Variants in CSTPP1 observed in about 807,000 individuals in gnomAD.
CSTPP1 encodes the protein centriolar satellite-associated tubulin polyglutamylase complex regulator 1.
the CSTPP1 span, among the ~76,000 whole-genome samples, chr11:47,119,141 A>T: frequency 1.3e-5 from 2 of 152,206 alleles, no homozygotes; most frequent in Admixed American, 1.3e-4. Context: ...CGCTCTGTTT[A>T]CCTACTCAAG....
At chr11:47,103,399 CA>C in the CSTPP1 span, among the ~76,000 whole-genome samples, 236 of 130,930 alleles carry the variant, frequency 1.8e-3, no homozygotes, top group East Asian at 1.8e-3. Flanking sequence ...GACCCTGTCT[CA>C]AAAAAAAAAA....
the CSTPP1 span, among the ~76,000 whole-genome samples, chr11:47,079,718 G>T: frequency 2.0e-5 from 3 of 152,118 alleles, no homozygotes; most frequent in Non-Finnish European, 2.9e-5. Context: ...TAACATAAAA[G>T]ACTTTTCTCA....
At chr11:46,941,080 A>T in the CSTPP1 span, among the ~76,000 whole-genome samples, 1 of 152,238 alleles carries the variant, frequency 6.6e-6, no homozygotes, top group Non-Finnish European at 1.5e-5. Context: ...GTGAAGCCCA[A>T]CCAATCACCT....
chr11:46,990,672 C>T, the CSTPP1 span, among the ~76,000 whole-genome samples: 1 of 152,014 alleles, frequency 6.6e-6, no homozygotes, highest in Admixed American at 6.6e-5. Flanking sequence ...GTTGCAATTG[C>T]TTTTGGGGAC....
the CSTPP1 span, among the ~76,000 whole-genome samples, chr11:47,148,896 A>G: frequency 5.3e-5 from 8 of 152,320 alleles, no homozygotes; most frequent in South Asian, 2.1e-4. Flanking sequence ...CTAATCCAGA[A>G]CTTCAGGAAA....
the CSTPP1 span, among the ~76,000 whole-genome samples, chr11:47,027,688 C>G: frequency 2.6e-5 from 4 of 152,138 alleles, no homozygotes; most frequent in African/African-American, 7.2e-5. Flanking sequence ...TTTGCTGTTG[C>G]AGAAATTATA....
chr11:46,951,295 C>CT, the CSTPP1 span, among the ~76,000 whole-genome samples: 1,540 of 127,660 alleles, frequency 0.012, 20 homozygotes, highest in South Asian at 0.028. Flanking sequence ...TCCTTAGACT[C>CT]TTTTTTTTTT....
the CSTPP1 span, chr11:47,158,088 T>C: frequency 1.6e-6 from 1 of 633,140 alleles, no homozygotes; most frequent in South Asian, 1.9e-5. Flanking sequence ...CGACAAAACA[T>C]GGCTCTTACA....
chr11:46,948,022 A>G, the CSTPP1 span: 2 of 456,080 alleles, frequency 4.4e-6, no homozygotes, highest in Non-Finnish European at 8.8e-6. Context: ...GTATTTTAAA[A>G]TAGGCATGCT....
the CSTPP1 span, chr11:47,161,542 C>T: frequency 6.2e-7 from 1 of 1,614,156 alleles, no homozygotes; most frequent in Non-Finnish European, 8.5e-7. Context: ...GGACCCCTCC[C>T]CGGGTTGGCT....
At chr11:47,112,217 CA>C in the CSTPP1 span, among the ~76,000 whole-genome samples, 1 of 152,224 alleles carries the variant, frequency 6.6e-6, no homozygotes, top group Non-Finnish European at 1.5e-5. Flanking sequence ...AGTACCACCT[CA>C]TATTCCCTAT....
At chr11:46,980,917 G>A in the CSTPP1 span, among the ~76,000 whole-genome samples, 29 of 152,068 alleles carry the variant, frequency 1.9e-4, no homozygotes, top group Non-Finnish European at 3.8e-4. Context: ...AAATTAAAAA[G>A]CATTAGGCCA....
chr11:47,022,667 G>A, the CSTPP1 span, among the ~76,000 whole-genome samples: 1 of 152,008 alleles, frequency 6.6e-6, no homozygotes, highest in Non-Finnish European at 1.5e-5. Flanking sequence ...ACTGCACCCA[G>A]CCACTACAGT....
At chr11:46,955,617 C>G in the CSTPP1 span, among the ~76,000 whole-genome samples, 2 of 151,988 alleles carry the variant, frequency 1.3e-5, no homozygotes, top group African/African-American at 4.8e-5. Flanking sequence ...CCCGCCTCAG[C>G]CTTCCAAAGT....
chr11:47,123,602 G>A, the CSTPP1 span, among the ~76,000 whole-genome samples: 4 of 152,140 alleles, frequency 2.6e-5, no homozygotes, highest in Non-Finnish European at 5.9e-5. Context: ...AGCTTCTGTT[G>A]GGGAGACAGT....
the CSTPP1 span, among the ~76,000 whole-genome samples, chr11:46,976,825 C>CT: frequency 2.0e-5 from 3 of 151,956 alleles, no homozygotes; most frequent in African/African-American, 7.3e-5. Flanking sequence ...GAACCCGAAT[C>CT]TACGAGAAGT....
chr11:47,137,749 G>C, the CSTPP1 span: 2 of 1,609,766 alleles, frequency 1.2e-6, no homozygotes, highest in Non-Finnish European at 1.7e-6. Context: ...CTGGACTCTT[G>C]AAACCAACTC....
the CSTPP1 span, among the ~76,000 whole-genome samples, chr11:47,133,071 G>A: frequency 3.3e-5 from 5 of 152,204 alleles, no homozygotes; most frequent in Non-Finnish European, 7.3e-5. Context: ...GAGGCATGGA[G>A]AGCTTAAAAG....
the CSTPP1 span, among the ~76,000 whole-genome samples, chr11:47,101,302 G>C: frequency 1.3e-5 from 2 of 149,194 alleles, no homozygotes; most frequent in Non-Finnish European, 3.0e-5. Flanking sequence ...TTTTAACATT[G>C]ATTTAATTGA....
Sources: gnomAD v4.1 joint callset for allele counts (sites outside exome capture counted in the v4.1 genomes callset) on GRCh38, gnomAD v4.1.1 for gene constraint, MANE v1.5 for transcripts, NCBI Gene and HGNC (gene_info 2026-07-23, HGNC 2026-07-21) for gene names.